POLA1: variants seen among roughly 807,000 people sequenced by gnomAD.
POLA1 encodes DNA polymerase alpha catalytic subunit.
Under a neutral mutation model 124.0 loss-of-function variants are expected in POLA1, and 15 were observed. The ratio of observed to expected loss-of-function variants is 0.12; its 90% confidence interval spans 0.08 to 0.19. The LOEUF (loss-of-function observed/expected upper bound fraction) is 0.19, where lower values mean the gene tolerates loss of function less well. POLA1 is among the 10% of genes least tolerant of loss of function. POLA1 has a pLI of 1.00. For synonymous variants in POLA1, 408 were observed against 389.4 expected (o/e 1.05, Z -0.56); for missense variants, 886 against 1,103.4 (o/e 0.80, Z 2.79).
chrX:24,744,289 G>T (rs777896199), intron 23 of POLA1, among the ~76,000 whole-genome samples: 42 of 112,015 alleles, frequency 3.7e-4, no homozygotes, highest in African/African-American at 1.2e-3. Flanking sequence ...TGTGATCTTG[G>T]GCTGCCTGTT....
intron 4 of POLA1, among the ~76,000 whole-genome samples, chrX:24,709,263 C>T (rs1929119066): frequency 1.0e-5 from 1 of 99,322 alleles, no homozygotes; most frequent in Admixed American, 9.9e-5. Context: ...CACCTCCCTC[C>T]CGGACGGCAC....
chrX:24,902,044 A>G (rs769804331), intron 35 of POLA1, among the ~76,000 whole-genome samples: 88 of 111,699 alleles, frequency 7.9e-4, no homozygotes, highest in African/African-American at 2.8e-3. Flanking sequence ...CTGTACATGC[A>G]TGTACAGATC....
Position 24,960,752 on chromosome X carries a change from ATG to A in POLA1, c.4261+30207_4261+30208del, listed in dbSNP as rs961557994. ...AAATATGTTTTATTTGTCCATAAGT[ATG>A]TGTCTAGGATGGCTGACAAACTTAG... On this transcript the variant is annotated intron_variant, in intron 36 of 36. Transcript: ENST00000379068. 3.6e-5 allele frequency among the ~76,000 whole-genome samples: 4 copies of A among 111,684 alleles called. No homozygotes were observed. The Admixed American group carries it at 3.8e-4, about 11-fold the overall frequency.
chrX:24,926,262 G>A (rs2047689870), intron 35 of POLA1, among the ~76,000 whole-genome samples: 1 of 110,378 alleles, frequency 9.1e-6, no homozygotes, highest in Non-Finnish European at 1.9e-5. Context: ...CAAACTGTAC[G>A]ACTGCATGCA....
At chrX:24,917,511 A>G (rs1233796499) in intron 35 of POLA1, among the ~76,000 whole-genome samples, 1 of 111,935 alleles carries the variant, frequency 8.9e-6, no homozygotes. Flanking sequence ...TTACTGAATA[A>G]CTACTTATTC....
At chrX:24,699,182 A>G (rs1666198179) in intron 1 of POLA1, among the ~76,000 whole-genome samples, 1 of 112,242 alleles carries the variant, frequency 8.9e-6, no homozygotes, top group African/African-American at 3.2e-5. Context: ...CTTTTTAGAG[A>G]AAAAAATAAC....
chrX:24,966,753 T>A (rs2048228203), intron 36 of POLA1, among the ~76,000 whole-genome samples: 1 of 111,968 alleles, frequency 8.9e-6, no homozygotes, highest in Non-Finnish European at 1.9e-5. Flanking sequence ...TTGTTTGATA[T>A]GTGCAATCAT....
chrX:24,811,912 C>T (rs933207374), intron 28 of POLA1, among the ~76,000 whole-genome samples: 6 of 112,436 alleles, frequency 5.3e-5, no homozygotes, highest in African/African-American at 1.6e-4. Context: ...AATTTGCAAT[C>T]GCAATTCACA....
intron 26 of POLA1, among the ~76,000 whole-genome samples, chrX:24,808,448 C>A (rs1000237205): frequency 8.0e-5 from 9 of 112,056 alleles, no homozygotes; most frequent in African/African-American, 2.9e-4. Flanking sequence ...TTATCTTAGG[C>A]CAATGGTCCT....
At chrX:24,762,896 C>G (rs1932822642) in intron 26 of POLA1, among the ~76,000 whole-genome samples, 1 of 110,774 alleles carries the variant, frequency 9.0e-6, no homozygotes, top group Non-Finnish European at 1.9e-5. Context: ...CGCCACCACT[C>G]TTGGCTAATT....
intron 35 of POLA1, among the ~76,000 whole-genome samples, chrX:24,929,131 C>T (rs904663311): frequency 1.8e-5 from 2 of 112,189 alleles, no homozygotes; most frequent in Non-Finnish European, 3.8e-5. Context: ...GTTACTCCTG[C>T]ACCAAATTGG....
At chrX:24,826,627 C>T (rs373577175) in intron 32 of POLA1, 26 bp downstream of exon 32, 15 of 1,070,813 alleles carry the variant, frequency 1.4e-5, no homozygotes, top group Non-Finnish European at 1.9e-5. Flanking sequence ...TCACATAGAA[C>T]CTCACATGGT....
At chrX:24,706,563 G>A (rs757712632) in intron 4 of POLA1, among the ~76,000 whole-genome samples, 1 of 112,063 alleles carries the variant, frequency 8.9e-6, no homozygotes, top group Non-Finnish European at 1.9e-5. Context: ...CAACATCACT[G>A]GGTTCTTTAT....
At chrX:24,716,288 G>A in intron 6 of POLA1, 74 bp from the exon 7 acceptor site, 1 of 544,568 alleles carries the variant, frequency 1.8e-6, no homozygotes. Flanking sequence ...GGGCTTCAAT[G>A]AGTGAAGAAG....
intron 36 of POLA1, among the ~76,000 whole-genome samples, chrX:24,967,629 C>T (rs1296648125): frequency 9.1e-6 from 1 of 110,336 alleles, no homozygotes; most frequent in Non-Finnish European, 1.9e-5. Flanking sequence ...CCACTGCACT[C>T]CAGCCTGGGG....
chrX:24,930,315 T>A (rs1739896742), intron 35 of POLA1, 138 bp from the exon 36 acceptor site: 1 of 470,567 alleles, frequency 2.1e-6, no homozygotes, highest in African/African-American at 2.4e-5. Context: ...AGTATGATTC[T>A]GCCCTTCTTA....
rs772211129 is a variant in POLA1 at position 24,863,057 on chromosome X, A to G, written c.4047+19380A>G. On this transcript the variant is annotated intron_variant, in intron 34 of 36. Transcript: ENST00000379068. ...AATTTTAGCTGGTCTAAAAAAACAA[A>G]AACATTTTTGTCCTACTTTTATCCT... Among the ~76,000 whole-genome samples the G allele has an allele frequency of 5.3e-5, 6 of 112,275 alleles. No homozygotes were observed. The South Asian group carries it at 2.2e-3, about 42-fold the overall frequency.
At chrX:24,808,189 G>A (rs1410934341) in intron 26 of POLA1, among the ~76,000 whole-genome samples, 1 of 111,828 alleles carries the variant, frequency 8.9e-6, no homozygotes, top group Admixed American at 9.4e-5. Flanking sequence ...CCACCTTGCA[G>A]CCGGCCCTGC....
At chrX:24,947,990 A>G (rs1339999921) in intron 36 of POLA1, among the ~76,000 whole-genome samples, 1 of 112,332 alleles carries the variant, frequency 8.9e-6, no homozygotes, top group East Asian at 2.8e-4. Context: ...ACTTTGTGGC[A>G]TGGGCAAACC....
Sources: allele counts gnomAD v4.1 joint callset (sites outside exome capture counted in the v4.1 genomes callset), GRCh38; gene constraint gnomAD v4.1.1; transcripts MANE v1.5; gene names NCBI Gene and HGNC (gene_info 2026-07-23, HGNC 2026-07-21).